GNAO1: variants seen among roughly 807,000 people sequenced by gnomAD.
GNAO1 encodes guanine nucleotide-binding protein G(o) subunit alpha.
For missense variants in GNAO1, 166 were observed against 478.7 expected (o/e 0.35, Z 6.10); for synonymous variants, 164 against 180.7 (o/e 0.91, Z 0.74).
At chr16:56,206,632 C>T (rs1273197395) in intron 2 of GNAO1, among the ~76,000 whole-genome samples, 4 of 152,170 alleles carry the variant, frequency 2.6e-5, no homozygotes, top group African/African-American at 7.2e-5. Context: ...GTATGTTTAT[C>T]GAAAGTCATC....
chr16:56,337,714 G>A (rs1180865798), intron 6 of GNAO1, among the ~76,000 whole-genome samples: 1 of 152,244 alleles, frequency 6.6e-6, no homozygotes, highest in African/African-American at 2.4e-5. Context: ...CTCTGGAGCT[G>A]TTTCTGGGAC....
At chr16:56,275,272 G>GGATGTGCCAGTGAGCAC (rs1382256763) in intron 2 of GNAO1, among the ~76,000 whole-genome samples, 1 of 152,228 alleles carries the variant, frequency 6.6e-6, no homozygotes, top group Non-Finnish European at 1.5e-5. Context: ...AGCACATGTT[G>GGATGTGCCAGTGAGCAC]AGTGGCTAGC....
At chr16:56,278,735 G>T (rs566010783) in intron 3 of GNAO1, among the ~76,000 whole-genome samples, 1 of 152,306 alleles carries the variant, frequency 6.6e-6, no homozygotes, top group African/African-American at 2.4e-5. Context: ...TGATCTGGGG[G>T]TAGGAGGAGC....
Position 56,354,123 on chromosome 16 carries a change from G to T in GNAO1, c.878-743G>T, listed in dbSNP as rs536426100. Among the ~76,000 whole-genome samples, 1 of 152,198 alleles carries T rather than the reference G, an allele frequency of 6.6e-6. No homozygotes were observed. Among genetic ancestry groups the T allele is most frequent in the Non-Finnish European group, 1.5e-5 (1 of 68,044 alleles). ...CCCTCTGAGTGCCCACCACCCTCTT[G>T]GGCAGGCCCCTCTCCAGACTTTGTT... On this transcript the variant is annotated intron_variant, in intron 7 of 8. Coordinates refer to ENST00000262493, the MANE Select transcript of GNAO1 (RefSeq NM_020988.3). This position sits in a 1 kb window ranked among gnomAD's most constrained non-coding sequence, Gnocchi z 4.3.
chr16:56,229,018 A>G (rs1332467541), intron 2 of GNAO1, among the ~76,000 whole-genome samples: 4 of 152,202 alleles, frequency 2.6e-5, no homozygotes, highest in African/African-American at 9.7e-5. Flanking sequence ...GGAGCTCAGT[A>G]TATATTTGTT....
intron 2 of GNAO1, among the ~76,000 whole-genome samples, chr16:56,206,096 G>A (rs192954728): frequency 7.2e-5 from 11 of 152,104 alleles, no homozygotes; most frequent in East Asian, 1.9e-4. Context: ...TGAGGTGGGC[G>A]GATCACAAAG....
At position 56,325,837 on chromosome 16, in the gene GNAO1, C is replaced by T. The variant is rs77822939; in HGVS notation, c.304-2794C>T. 8.3e-3 allele frequency among the ~76,000 whole-genome samples: 1,263 copies of T among 152,252 alleles called. 23 individuals carry two copies. Among genetic ancestry groups the T allele is most frequent in the African/African-American group, 0.029 (1,189 of 41,546 alleles). On this transcript the variant is annotated intron_variant, in intron 3 of 8. Transcript: ENST00000262493. Reference sequence around the variant, plus strand: ...ACCTAAATACCATGACACTTCCCTGCTTCTTTCTGGTAGCTTTATTCTGAG... The same window carrying T: ...ACCTAAATACCATGACACTTCCCTGTTTCTTTCTGGTAGCTTTATTCTGAG...
At chr16:56,234,302 G>A (rs1019469504) in intron 2 of GNAO1, among the ~76,000 whole-genome samples, 13 of 152,264 alleles carry the variant, frequency 8.5e-5, no homozygotes, top group African/African-American at 3.1e-4. Context: ...CACTTGTGCA[G>A]CCAGCCAGCC....
intron 3 of GNAO1, 103 bp downstream of exon 3, chr16:56,276,175 A>G: frequency 1.0e-6 from 1 of 966,278 alleles, no homozygotes; most frequent in Non-Finnish European, 1.5e-6. Flanking sequence ...ACGAGAAGAG[A>G]CTCCGCTATG....
At chr16:56,291,910 A>C (rs1328265289) in intron 3 of GNAO1, among the ~76,000 whole-genome samples, 1 of 152,176 alleles carries the variant, frequency 6.6e-6, no homozygotes, top group Non-Finnish European at 1.5e-5. Context: ...CAACACTCTT[A>C]TGATCTAATT....
At chr16:56,319,311 C>T (rs1188450202) in intron 3 of GNAO1, among the ~76,000 whole-genome samples, 3 of 152,174 alleles carry the variant, frequency 2.0e-5, no homozygotes, top group Non-Finnish European at 4.4e-5. Context: ...CCACCACCAC[C>T]CCTGGGGTGT....
Position 56,356,637 on chromosome 16 carries a change from T to A in GNAO1, c.*563T>A, listed in dbSNP as rs1294734587. The stretch of plus-strand genomic sequence containing the variant: ...GCCACACGCTCACTCCAGGTTCGTA[T>A]AGAAAAAGCACAGCTCTCACTGGCC... On this transcript the variant is annotated 3_prime_UTR_variant, in exon 9 of 9. Coordinates refer to ENST00000262493, the MANE Select transcript of GNAO1 (RefSeq NM_020988.3). The A allele has an allele frequency of 6.5e-6, 1 of 152,764 alleles. No homozygotes were observed. Among genetic ancestry groups the A allele is most frequent in the African/African-American group, 2.4e-5 (1 of 41,428 alleles). 9.5% of individuals were successfully genotyped at this position (152,764 alleles called of 1,614,324 possible).
intron 3 of GNAO1, among the ~76,000 whole-genome samples, chr16:56,316,472 G>A (rs2037510837): frequency 6.6e-6 from 1 of 152,196 alleles, no homozygotes; most frequent in Non-Finnish European, 1.5e-5. Flanking sequence ...TTCTAGGGCT[G>A]CATGACCCCA....
chr16:56,345,399 G>A (rs2037856375), intron 6 of GNAO1: 2 of 985,630 alleles, frequency 2.0e-6, no homozygotes, highest in Admixed American at 6.1e-5. Context: ...CCCCAGCCAG[G>A]CAGGGCCCCT....
At chr16:56,244,410 A>G (rs1041998737) in intron 2 of GNAO1, among the ~76,000 whole-genome samples, 3 of 151,836 alleles carry the variant, frequency 2.0e-5, no homozygotes, top group Non-Finnish European at 4.4e-5. Context: ...TCAGGCCTGG[A>G]GACCATAGAG....
chr16:56,344,171 G>A, intron 6 of GNAO1: 1 of 1,429,130 alleles, frequency 7.0e-7, no homozygotes, highest in Non-Finnish European at 9.1e-7. Flanking sequence ...ATGCTGCAAG[G>A]CCAGGAGACT....
intron 3 of GNAO1, among the ~76,000 whole-genome samples, chr16:56,284,063 C>T (rs1429190769): frequency 1.3e-5 from 2 of 152,168 alleles, no homozygotes; most frequent in East Asian, 1.9e-4. Context: ...AATTTGGGGA[C>T]TCATTTTCTT....
chr16:56,333,527 G>A (rs572031672), intron 4 of GNAO1, among the ~76,000 whole-genome samples: 13 of 152,192 alleles, frequency 8.5e-5, no homozygotes, highest in South Asian at 2.1e-4. Context: ...TCATTTTCTC[G>A]CAGTGTGACT....
chr16:56,225,148 T>G (rs1464549437), intron 2 of GNAO1, among the ~76,000 whole-genome samples: 1 of 152,220 alleles, frequency 6.6e-6, no homozygotes, highest in Non-Finnish European at 1.5e-5. Context: ...ATTATATCTC[T>G]GTAGAGCAGG....
Sources: allele counts gnomAD v4.1 joint callset (sites outside exome capture counted in the v4.1 genomes callset), GRCh38; gene constraint gnomAD v4.1.1; non-coding constraint Gnocchi (gnomAD v3.1); transcripts MANE v1.5; gene names NCBI Gene and HGNC (gene_info 2026-07-23, HGNC 2026-07-21).